Variants in CEP43 observed in about 807,000 individuals in gnomAD.
CEP43 encodes the protein FGFR1 oncogene partner.
In CEP43, 36 loss-of-function variants were observed where a neutral mutation model predicts 52.6. The ratio of observed to expected loss-of-function variants is 0.68; its 90% CI spans 0.52 to 0.90. The LOEUF (loss-of-function observed/expected upper bound fraction) is 0.90. CEP43 is among the 40% of genes least tolerant of loss of function. The pLI is 0.00. For missense variants in CEP43, 506 were observed against 472.8 expected, an observed-to-expected ratio of 1.07 and a Z score of -0.65; for synonymous variants, 192 against 172.4, an observed-to-expected ratio of 1.11 and a Z score of -0.89.
chr6:167,038,856 A>C (rs1253874734), intron 12 of CEP43, among the ~76,000 whole-genome samples: 1 of 152,102 alleles, frequency 6.6e-6, no homozygotes, highest in Non-Finnish European at 1.5e-5. Flanking sequence ...GGTTGCATGA[A>C]TGAGTTCTTT....
chr6:166,999,699 C>T (rs1354564968), intron 1 of CEP43, 185 bp downstream of exon 1: 2 of 475,582 alleles, frequency 4.2e-6, no homozygotes, highest in Admixed American at 4.3e-5. Context: ...CTCGTTCGTT[C>T]GTGTGGTCCC....
At chr6:167,027,091 C>G (rs1385934411) in intron 10 of CEP43, among the ~76,000 whole-genome samples, 1 of 152,160 alleles carries the variant, frequency 6.6e-6, no homozygotes, top group Admixed American at 6.5e-5. Flanking sequence ...TTGCTAGATG[C>G]TGGTAGTACA....
rs773784635 is a variant in CEP43 at position 167,003,258 on chromosome 6, C to T, written c.211+11C>T. The T allele has an allele frequency of 2.8e-6, 4 of 1,438,056 alleles. No individual in the cohort carries two copies. In the South Asian group the frequency reaches 4.0e-5, roughly 14 times the overall value. The allele number at this position is 1,438,056 out of a possible 1,614,324, so 89.1% of individuals were successfully genotyped here. A position where few individuals can be genotyped will look rare whatever the true frequency, so the allele number is the denominator to read the frequency against. ...TAAATACCAAAGACGGTAAGATGTT[C>T]AGTTTGTTCTTGTTTATCTATCTCT... On this transcript the variant is annotated intron_variant, in intron 3 of 12. Transcript: ENST00000366847.
rs1780699795 is a variant in CEP43, at chr6:167,041,739, A to G, written c.*1761A>G. ...AATTTGTCACTTTTCTGTTACGCAG[A>G]GAATCAGACCTTTTGATAATATTTG... is the stretch of plus-strand genomic sequence containing the variant. On this transcript the variant is annotated 3_prime_UTR_variant, in exon 13 of 13. Transcript: ENST00000366847. 9.8e-7 allele frequency: 1 copy of G among 1,025,518 alleles called. No individual in the cohort carries two copies. The highest frequency in any genetic ancestry group is 4.6e-4 in the Middle Eastern group (1 of 2,168). The allele number at this position is 1,025,518 out of a possible 1,614,324, so 63.5% of individuals were successfully genotyped here.
In CEP43 at chr6:167,045,991, GCT is replaced by G. The variant is rs1030731051; in HGVS notation, c.*6017_*6018del. The G allele has an allele frequency of 6.6e-6, 1 of 152,296 alleles. No individual in the cohort carries two copies. Among genetic ancestry groups the G allele is most frequent in the African/African-American group, 2.4e-5 (1 of 41,428 alleles). 9.4% of individuals were successfully genotyped at this position (152,296 alleles called of 1,614,324 possible). A position where few individuals can be genotyped will look rare whatever the true frequency, so the allele number is the denominator to read the frequency against. On this transcript the variant is annotated 3_prime_UTR_variant, in exon 13 of 13. Transcript: ENST00000366847. ...CCCCAGTGCCAGGCCTTTTCTAGCA[GCT>G]CTCATGGGTTCATCCCTGCTGCGGG...
In CEP43 at chr6:167,049,694, A is replaced by T. The variant is rs1780844735; in HGVS notation, c.*9716A>T. 6.6e-6 allele frequency: 1 copy of T among 152,206 alleles called. No individual in the cohort carries two copies. The highest frequency in any genetic ancestry group is 2.1e-4 in the South Asian group (1 of 4,834). 9.4% of individuals were successfully genotyped at this position (152,206 alleles called of 1,614,324 possible). A position where few individuals can be genotyped will look rare whatever the true frequency, so the allele number is the denominator to read the frequency against. On this transcript the variant is annotated 3_prime_UTR_variant, in exon 13 of 13. Transcript: ENST00000366847. The stretch of plus-strand genomic sequence containing the variant: ...ACATTCATATGCAGTGTTTGTGTAG[A>T]TATATAATATGCTTTATTTTCTCTT...
chr6:167,036,336 G>A, intron 12 of CEP43: 1 of 985,428 alleles, frequency 1.0e-6, no homozygotes, highest in Non-Finnish European at 1.2e-6. Flanking sequence ...GGAGGGTGCT[G>A]TGTGAAGAGA....
At chr6:166,999,666 G>T in intron 1 of CEP43, 152 bp downstream of exon 1, 1 of 509,778 alleles carries the variant, frequency 2.0e-6, no homozygotes, top group Non-Finnish European at 3.3e-6. Context: ...CCTCCGTCCT[G>T]CCCGCCCCAC....
At chr6:167,016,216 A>T (rs912385950) in intron 7 of CEP43, among the ~76,000 whole-genome samples, 1 of 152,192 alleles carries the variant, frequency 6.6e-6, no homozygotes, top group African/African-American at 2.4e-5. Context: ...ATTATATTAA[A>T]TGTAATATGA....
At position 167,034,967 on chromosome 6, in the gene CEP43, A is replaced by C. The variant is rs78016967; in HGVS notation, c.1125+996A>C. Among the ~76,000 whole-genome samples, 89 of 152,360 alleles carry C rather than the reference A, an allele frequency of 5.8e-4. No individual in the cohort carries two copies. The East Asian group carries it at 0.017, about 28-fold the overall frequency. Reference sequence around the variant, plus strand: ...AGAGGCCTGAAGAATGTTGCTTTAAAGTTATACCAAAGAAACTATGAAGGA... The same window carrying C: ...AGAGGCCTGAAGAATGTTGCTTTAACGTTATACCAAAGAAACTATGAAGGA... On this transcript the variant is annotated intron_variant, in intron 12 of 12. Coordinates refer to ENST00000366847, the MANE Select transcript of CEP43 (RefSeq NM_007045.4).
intron 7 of CEP43, among the ~76,000 whole-genome samples, chr6:167,018,895 C>T (rs1450278225): frequency 6.6e-6 from 1 of 151,990 alleles, no homozygotes; most frequent in African/African-American, 2.4e-5. Context: ...ACAGATGGTC[C>T]CCAATGTTAC....
rs1562535583 is a variant in CEP43 at position 167,039,870 on chromosome 6, C to T, written c.1126-34C>T. On this transcript the variant is annotated intron_variant, in intron 12 of 12. Transcript: ENST00000366847. ...TAACTTAAGACTACTCACATTCTGA[C>T]ACTTAATTATTTTCTTTCTTTTGAA... 3.1e-6 allele frequency: 5 copies of T among 1,609,454 alleles called. No individual in the cohort carries two copies. The East Asian group carries it at 8.9e-5, about 29-fold the overall frequency.
intron 7 of CEP43, among the ~76,000 whole-genome samples, 178 bp downstream of exon 7, chr6:167,013,745 G>A (rs1241378868): frequency 2.0e-5 from 3 of 152,172 alleles, no homozygotes; most frequent in African/African-American, 7.2e-5. Context: ...AGTCCAAGGC[G>A]GGCGGATCAC....
At chr6:167,025,811 TG>T (rs997217314) in intron 9 of CEP43, among the ~76,000 whole-genome samples, 1 of 152,192 alleles carries the variant, frequency 6.6e-6, no homozygotes, top group African/African-American at 2.4e-5. Flanking sequence ...ATTCTGACAT[TG>T]ATTAGAGAAT....
chr6:167,039,811 GGT>G, intron 12 of CEP43, 91 bp from the exon 13 acceptor site: 1 of 1,260,296 alleles, frequency 7.9e-7, no homozygotes, highest in African/African-American at 1.5e-5. Flanking sequence ...GCAGGAGTAA[GGT>G]GGTATCTCAT....
chr6:167,040,270 T>C lies in CEP43; in HGVS notation c.*292T>C. The C allele has an allele frequency of 1.3e-6, 2 of 1,483,630 alleles. No individual in the cohort carries two copies. Among genetic ancestry groups the C allele is most frequent in the Non-Finnish European group, 1.8e-6 (2 of 1,126,664 alleles). The allele number at this position is 1,483,630 out of a possible 1,614,324, so 91.9% of individuals were successfully genotyped here. On this transcript the variant is annotated 3_prime_UTR_variant, in exon 13 of 13. Coordinates refer to ENST00000366847, the MANE Select transcript of CEP43 (RefSeq NM_007045.4). ...GGGAAGGAACCCATGAAAACATCAG[T>C]GTTAAGAGCATGATGAAAGGTGTCA...
intron 7 of CEP43, among the ~76,000 whole-genome samples, chr6:167,014,878 T>C (rs1780059848): frequency 1.3e-5 from 2 of 152,264 alleles, no homozygotes; most frequent in Non-Finnish European, 1.5e-5. Context: ...AAGTAAGATA[T>C]AAAACTTCTT....
intron 6 of CEP43, among the ~76,000 whole-genome samples, chr6:167,012,736 A>G (rs1244842445): frequency 6.6e-6 from 1 of 152,180 alleles, no homozygotes; most frequent in Non-Finnish European, 1.5e-5. Flanking sequence ...TGAGAATCTC[A>G]ATGTTTTAAG....
chr6:167,028,653 A>G, intron 10 of CEP43: 1 of 237,812 alleles, frequency 4.2e-6, no homozygotes, highest in Non-Finnish European at 6.8e-6. Context: ...GAATTATTTT[A>G]TTTAATTCAT....
Sources: gnomAD v4.1 joint callset for allele counts (sites outside exome capture counted in the v4.1 genomes callset) on GRCh38, gnomAD v4.1.1 for gene constraint, MANE v1.5 for transcripts, NCBI Gene and HGNC (gene_info 2026-07-23, HGNC 2026-07-21) for gene names.